The following PAPPA2 variants were observed in gnomAD, a reference collection of about 807,000 sequenced individuals.
PAPPA2 encodes the protein pappalysin 2, also known as pappalysin-2.
In PAPPA2, 86 loss-of-function variants were observed where a neutral mutation model predicts 176.4. The observed-to-expected ratio is 0.49, with a 90% CI of 0.41 to 0.58. The LOEUF (loss-of-function observed/expected upper bound fraction) is 0.58, where lower values mean the gene tolerates loss of function less well. Ranked by LOEUF, PAPPA2 falls within the 20% of genes least tolerant of loss-of-function variation. The pLI, the probability that PAPPA2 is intolerant of heterozygous loss-of-function variation, is 0.00. For missense variants in PAPPA2, 2,073 were observed against 2,256.9 expected (o/e 0.92, Z 1.65); for synonymous variants, 809 against 852.2 (o/e 0.95, Z 0.88).
intron 3 of PAPPA2, among the ~76,000 whole-genome samples, chr1:176,670,700 T>G (rs1043153872): frequency 6.6e-6 from 1 of 152,072 alleles, no homozygotes; most frequent in Non-Finnish European, 1.5e-5. Context: ...GGGCATAGGG[T>G]GGGGAATTGA....
intron 1 of PAPPA2, among the ~76,000 whole-genome samples, chr1:176,497,166 G>T (rs577871491): frequency 6.6e-6 from 1 of 152,234 alleles, no homozygotes; most frequent in South Asian, 2.1e-4. Flanking sequence ...ATTATATAAA[G>T]TCTTCACGTG....
At position 176,556,868 on chromosome 1, in the gene PAPPA2, A is replaced by G; in HGVS notation, c.546A>G (p.Glu182=). Residue 182 remains glutamate, a synonymous_variant, in exon 2 of 23, where the codon GAA becomes GAG. Coordinates refer to ENST00000367662, the MANE Select transcript of PAPPA2 (RefSeq NM_020318.3). ...TTTAIFTTLN[E]PKPETQRRGW... ...CCGCCATTTTCACAACCCTGAACGA[A>G]CCCAAACCAGAGACCCAAAGGAGGG... is the stretch of plus-strand genomic sequence containing the variant. The G allele has an allele frequency of 6.2e-7, 1 of 1,614,044 alleles. No individual in the cohort carries two copies. The highest frequency in any genetic ancestry group is 8.5e-7 in the Non-Finnish European group (1 of 1,180,004).
chr1:176,559,009 C>T (rs1651501500), intron 2 of PAPPA2, among the ~76,000 whole-genome samples: 1 of 152,140 alleles, frequency 6.6e-6, no homozygotes, highest in African/African-American at 2.4e-5. Flanking sequence ...ATGCTCTGCA[C>T]AGAGGAAAGC....
At chr1:176,608,041 A>C in intron 3 of PAPPA2, among the ~76,000 whole-genome samples, 1 of 152,210 alleles carries the variant, frequency 6.6e-6, no homozygotes, top group South Asian at 2.1e-4. Flanking sequence ...GGATTGGATC[A>C]ATGTCAGTAT....
chr1:176,547,844 C>T (rs1261824537), intron 1 of PAPPA2, among the ~76,000 whole-genome samples: 1 of 152,178 alleles, frequency 6.6e-6, no homozygotes, highest in South Asian at 2.1e-4. Flanking sequence ...ACTACTCTAC[C>T]ACAACAATGG....
intron 1 of PAPPA2, among the ~76,000 whole-genome samples, chr1:176,496,580 T>C (rs1647641696): frequency 6.6e-6 from 1 of 152,116 alleles, no homozygotes; most frequent in South Asian, 2.1e-4. Flanking sequence ...TTGGTGTCAG[T>C]TGGAAGTTCC....
chr1:176,599,691 G>C (rs1654201498), intron 3 of PAPPA2, among the ~76,000 whole-genome samples: 1 of 151,326 alleles, frequency 6.6e-6, no homozygotes, highest in Non-Finnish European at 1.5e-5. Context: ...TTGTTTTTTT[G>C]TGTGTTATAT....
At chr1:176,734,596 A>G (rs1662311793) in intron 12 of PAPPA2, among the ~76,000 whole-genome samples, 1 of 152,074 alleles carries the variant, frequency 6.6e-6, no homozygotes, top group Admixed American at 6.6e-5. Flanking sequence ...GGAGACAACC[A>G]TGGCAGCTCA....
intron 21 of PAPPA2, among the ~76,000 whole-genome samples, chr1:176,808,182 G>T (rs931935466): frequency 1.3e-5 from 2 of 152,124 alleles, no homozygotes; most frequent in Admixed American, 6.6e-5. Flanking sequence ...AGGGTGCGGG[G>T]TATTTATTTT....
intron 1 of PAPPA2, among the ~76,000 whole-genome samples, chr1:176,474,395 G>T (rs752629371): frequency 2.0e-5 from 3 of 152,208 alleles, no homozygotes; most frequent in Admixed American, 6.5e-5. Context: ...CCCGTCCATA[G>T]CTCATTGACC....
intron 2 of PAPPA2, among the ~76,000 whole-genome samples, chr1:176,565,465 C>T (rs190193111): frequency 1.3e-5 from 2 of 152,264 alleles, no homozygotes; most frequent in African/African-American, 2.4e-5. Flanking sequence ...GAGGCTGAGG[C>T]AGGCAGATCG....
chr1:176,564,530 T>C (rs777052300), intron 2 of PAPPA2, among the ~76,000 whole-genome samples: 14 of 152,208 alleles, frequency 9.2e-5, no homozygotes, highest in Admixed American at 7.9e-4. Context: ...CACCATCCTT[T>C]TGTGCTTTGC....
chr1:176,732,881 T>C (rs1354902612), intron 12 of PAPPA2, among the ~76,000 whole-genome samples: 2 of 152,196 alleles, frequency 1.3e-5, no homozygotes, highest in African/African-American at 4.8e-5. Context: ...GGAGCAGTAC[T>C]GGTCCGTAGC....
intron 17 of PAPPA2, among the ~76,000 whole-genome samples, chr1:176,784,075 G>A (rs1009839142): frequency 3.9e-5 from 6 of 152,140 alleles, no homozygotes; most frequent in Admixed American, 6.5e-5. Flanking sequence ...TGGGTAAATC[G>A]CTTCATGGTT....
At chr1:176,572,198 A>T (rs889107245) in intron 2 of PAPPA2, among the ~76,000 whole-genome samples, 3 of 152,234 alleles carry the variant, frequency 2.0e-5, no homozygotes, top group Non-Finnish European at 2.9e-5. Flanking sequence ...CTCTTACTGG[A>T]AAGCAGAAGA....
chr1:176,512,006 C>T (rs1264488615), intron 1 of PAPPA2, among the ~76,000 whole-genome samples: 1 of 151,886 alleles, frequency 6.6e-6, no homozygotes, highest in African/African-American at 2.4e-5. Flanking sequence ...CTAGGTCAGA[C>T]AAAGTACTTG....
rs201111080 is a variant in PAPPA2 at position 176,670,971 on chromosome 1, G to T, written c.1993G>T (p.Ala665Ser). ...TCFDPDSPKRAYMSVKELKEA... is the reference protein window; with the variant it reads ...TCFDPDSPKRSYMSVKELKEA... ...TTTTTCATCTTGCATGCTCTCTAGG[G>T]CATACATGAGTGTGAAGGAGCTGAA... is the stretch of plus-strand genomic sequence containing the variant. Residue 665 changes from alanine (A) to serine (S), a missense_variant and splice_region_variant, in exon 4 of 23, where the codon GCA becomes TCA. Physicochemically the swap from Ala to Ser is moderately conservative, Grantham distance 99 (BLOSUM62 1). Transcript: ENST00000367662. 2.2e-4 allele frequency: 360 copies of T among 1,613,580 alleles called. No homozygotes were observed. Among genetic ancestry groups the T allele is most frequent in the Non-Finnish European group, 2.7e-4 (320 of 1,179,778 alleles).
intron 17 of PAPPA2, 151 bp downstream of exon 17, chr1:176,771,331 C>T (rs1664215415): frequency 1.4e-6 from 1 of 708,876 alleles, no homozygotes; most frequent in African/African-American, 1.8e-5. Context: ...TATATTCTCT[C>T]CAATAGAAGA....
At chr1:176,617,706 G>A (rs1282840372) in intron 3 of PAPPA2, among the ~76,000 whole-genome samples, 1 of 151,740 alleles carries the variant, frequency 6.6e-6, no homozygotes, top group African/African-American at 2.4e-5. Flanking sequence ...GAACATTTAG[G>A]CTGGTTCCAT....
Sources: allele counts gnomAD v4.1 joint callset (sites outside exome capture counted in the v4.1 genomes callset), GRCh38; gene constraint gnomAD v4.1.1; transcripts MANE v1.5; gene names NCBI Gene and HGNC (gene_info 2026-07-23, HGNC 2026-07-21).